Variants in STON1 observed in about 807,000 individuals in gnomAD.
The protein encoded by STON1 is stonin 1, also known as stonin-1.
STON1 carries 79 observed loss-of-function variants against 60.9 expected under a neutral mutation model. The ratio of observed to expected loss-of-function variants is 1.30; its 90% CI spans 1.08 to 1.56. STON1 has a LOEUF of 1.56. STON1 is among the 40% of genes most tolerant of loss of function. The pLI, the probability that STON1 is intolerant of heterozygous loss-of-function variation, is 0.00. For missense variants in STON1, 1,166 were observed against 858.9 expected, an observed-to-expected ratio of 1.36 and a Z score of -4.47; for synonymous variants, 363 against 306.9, an observed-to-expected ratio of 1.18 and a Z score of -1.91.
At chr2:48,564,421 T>TC (rs1672750622) in intron 1 of STON1, among the ~76,000 whole-genome samples, 4 of 39,494 alleles carry the variant, frequency 1.0e-4, no homozygotes, top group African/African-American at 3.6e-4. Flanking sequence ...TTCTTCTTCT[T>TC]CTTCTTCTTC....
At chr2:48,564,467 CTTCTTCTTCTTCTTTCTTCTT>C (rs1672771500) in intron 1 of STON1, among the ~76,000 whole-genome samples, 3 of 55,906 alleles carry the variant, frequency 5.4e-5, no homozygotes, top group African/African-American at 1.4e-4. Context: ...TCTTCTTCTT[CTTCTTCTTCTTCTTTCTTCTT>C]CTTCTTCTTC....
At chr2:48,580,010 G>T (rs1159522904) in intron 1 of STON1, among the ~76,000 whole-genome samples, 1 of 152,178 alleles carries the variant, frequency 6.6e-6, no homozygotes, top group Non-Finnish European at 1.5e-5. Flanking sequence ...AGGTTCAAGA[G>T]ATTCTCCTGA....
At chr2:48,531,294 C>G (rs1671202619) in intron 1 of STON1, 1 of 152,270 alleles carries the variant, frequency 6.6e-6, no homozygotes, top group East Asian at 1.9e-4. Context: ...CTCCCCCACC[C>G]CCACTTTCTT....
chr2:48,535,100 G>T (rs1032175185), intron 1 of STON1, among the ~76,000 whole-genome samples: 1 of 152,068 alleles, frequency 6.6e-6, no homozygotes, highest in Non-Finnish European at 1.5e-5. Context: ...AGATTACAGG[G>T]TGTCATCATT....
chr2:48,582,577 AC>A lies in STON1; in HGVS notation c.1930+18del, dbSNP rs1484133306. 6.9e-6 allele frequency: 11 copies of A among 1,597,106 alleles called. No homozygotes were observed. The highest frequency in any genetic ancestry group is 1.3e-5 in the African/African-American group (1 of 74,150). On this transcript the variant is annotated intron_variant, in intron 2 of 3. Coordinates refer to ENST00000404752, the MANE Select transcript of STON1 (RefSeq NM_006873.4). Reference sequence around the variant, plus strand: ...ACAAAAATTCAAGTAAATATTCAACACCCCAAGTTTATTTTCATGGGAAATA... The same window carrying A: ...ACAAAAATTCAAGTAAATATTCAACACCCAAGTTTATTTTCATGGGAAATA...
At chr2:48,553,716 G>A (rs1268118745) in intron 1 of STON1, among the ~76,000 whole-genome samples, 2 of 152,112 alleles carry the variant, frequency 1.3e-5, no homozygotes, top group Non-Finnish European at 2.9e-5. Context: ...TTGAACTCCT[G>A]ATCTCAAGTG....
chr2:48,549,645 C>G (rs943196249), intron 1 of STON1, among the ~76,000 whole-genome samples: 5 of 151,788 alleles, frequency 3.3e-5, no homozygotes, highest in East Asian at 1.9e-4. Flanking sequence ...AACCCCTTCT[C>G]TACTAAAAAT....
At chr2:48,563,925 C>G (rs1273627649) in intron 1 of STON1, among the ~76,000 whole-genome samples, 1 of 151,194 alleles carries the variant, frequency 6.6e-6, no homozygotes, top group Non-Finnish European at 1.5e-5. Flanking sequence ...GTCTTGAACT[C>G]CTGACTCAAG....
chr2:48,576,338 C>T (rs1673499239), intron 1 of STON1, among the ~76,000 whole-genome samples: 1 of 151,160 alleles, frequency 6.6e-6, no homozygotes, highest in Non-Finnish European at 1.5e-5. Flanking sequence ...TTCAGGCACC[C>T]ACCACCACAC....
chr2:48,576,442 G>C (rs1325075237), intron 1 of STON1, among the ~76,000 whole-genome samples: 5 of 150,684 alleles, frequency 3.3e-5, no homozygotes, highest in African/African-American at 9.8e-5. Context: ...CTCCCGCCTC[G>C]GCTTTCCAAA....
Position 48,581,776 on chromosome 2 carries a change from A to G in STON1, c.1143A>G (p.Thr381=), listed in dbSNP as rs1400931126. ...DIEQMLKLGS[T]SYHDFLDFLT... is the part of the protein sequence containing the mutation. ...AGCAGATGCTGAAGTTGGGGTCCAC[A>G]TCGTACCATGACTTCCTTGACTTTC... The change falls in exon 2 of 4, where the codon ACA becomes ACG. Residue 381 remains threonine, a synonymous_variant. Coordinates refer to ENST00000404752, the MANE Select transcript of STON1 (RefSeq NM_006873.4). The G allele has an allele frequency of 1.2e-6, 2 of 1,614,134 alleles. No individual in the cohort carries two copies. The highest frequency in any genetic ancestry group is 1.6e-4 in the Middle Eastern group (1 of 6,062).
chr2:48,532,194 A>T (rs1361160937), intron 1 of STON1, among the ~76,000 whole-genome samples: 1 of 151,984 alleles, frequency 6.6e-6, no homozygotes, highest in Non-Finnish European at 1.5e-5. Context: ...TTAAAAATAC[A>T]AAAGCTAGCT....
intron 1 of STON1, among the ~76,000 whole-genome samples, chr2:48,536,960 G>A (rs1004585353): frequency 1.3e-5 from 2 of 152,080 alleles, no homozygotes; most frequent in Non-Finnish European, 2.9e-5. Context: ...GCTGATTTTT[G>A]AATTTTGTTT....
chr2:48,557,657 G>A (rs1169765554), intron 1 of STON1, among the ~76,000 whole-genome samples: 1 of 71,068 alleles, frequency 1.4e-5, no homozygotes, highest in Non-Finnish European at 3.1e-5. Flanking sequence ...TGAGCACTGA[G>A]TGAACGAGAC....
rs1182166168 is a variant in STON1 at position 48,598,056 on chromosome 2, T to G, written c.*2754T>G. 6.6e-6 allele frequency: 1 copy of G among 152,118 alleles called. No individual in the cohort carries two copies. Among genetic ancestry groups the G allele is most frequent in the Non-Finnish European group, 1.5e-5 (1 of 68,014 alleles). The allele number at this position is 152,118 out of a possible 1,614,324, so 9.4% of individuals were successfully genotyped here. On this transcript the variant is annotated 3_prime_UTR_variant, in exon 4 of 4. Coordinates refer to ENST00000404752, the MANE Select transcript of STON1 (RefSeq NM_006873.4). The stretch of plus-strand genomic sequence containing the variant: ...GTCAAATGAGCAGACTTCCAAGGAG[T>G]TGACCAGTTTGTGACTAGTCTGGTC...
intron 1 of STON1, among the ~76,000 whole-genome samples, chr2:48,554,248 G>GTC (rs1223101390): frequency 1.3e-5 from 2 of 152,068 alleles, no homozygotes; most frequent in African/African-American, 4.8e-5. Context: ...TTGAGACAGA[G>GTC]TCTCTCTTTG....
chr2:48,586,284 C>T (rs1674201600), intron 2 of STON1, among the ~76,000 whole-genome samples: 1 of 152,196 alleles, frequency 6.6e-6, no homozygotes, highest in African/African-American at 2.4e-5. Flanking sequence ...ATTTACTCCA[C>T]AAACATCTAC....
In STON1 at chr2:48,595,451, A is replaced by G. The variant is rs1315754129; in HGVS notation, c.*149A>G. ...GCTGTGTTTAGAGAAGTTTAGACCT[A>G]AAACCGAACAATCTGTATTTTTTGC... On this transcript the variant is annotated 3_prime_UTR_variant, in exon 4 of 4. Coordinates refer to ENST00000404752, the MANE Select transcript of STON1 (RefSeq NM_006873.4). The G allele has an allele frequency of 1.1e-5, 7 of 624,390 alleles. No homozygotes were observed. The highest frequency in any genetic ancestry group is 2.2e-5 in the South Asian group (1 of 45,364). The allele number at this position is 624,390 out of a possible 1,614,324, so 38.7% of individuals were successfully genotyped here.
At chr2:48,552,475 C>T (rs1672144569) in intron 1 of STON1, among the ~76,000 whole-genome samples, 1 of 152,108 alleles carries the variant, frequency 6.6e-6, no homozygotes, top group Non-Finnish European at 1.5e-5. Flanking sequence ...AAAGTGTACA[C>T]TTACAGGCCG....
Sources: allele counts gnomAD v4.1 joint callset (sites outside exome capture counted in the v4.1 genomes callset), GRCh38; gene constraint gnomAD v4.1.1; transcripts MANE v1.5; gene names NCBI Gene and HGNC (gene_info 2026-07-23, HGNC 2026-07-21).